The following HEPH variants were observed in gnomAD, a reference collection of about 807,000 sequenced individuals.
HEPH encodes hephaestin.
Under a neutral mutation model 80.8 loss-of-function variants are expected in HEPH, and 69 were observed. That is an observed-to-expected ratio of 0.85 (90% CI 0.70 to 1.04). The LOEUF (loss-of-function observed/expected upper bound fraction) is 1.04, where lower values mean the gene tolerates loss of function less well. Ranked by LOEUF, HEPH falls within the 50% of genes least tolerant of loss-of-function variation. The pLI is 0.00. For missense variants in HEPH, 1,115 were observed against 891.3 expected, an observed-to-expected ratio of 1.25 and a Z score of -3.20; for synonymous variants, 431 against 322.8, an observed-to-expected ratio of 1.34 and a Z score of -3.60.
At chrX:66,212,912 T>G (rs1220894102) in intron 15 of HEPH, among the ~76,000 whole-genome samples, 3 of 111,116 alleles carry the variant, frequency 2.7e-5, no homozygotes, top group East Asian at 2.8e-4. Flanking sequence ...GCAGATTGCT[T>G]TGGACAATAT....
chrX:66,199,048 C>T lies in HEPH; in HGVS notation c.1864+20C>T. ...TGCATGGTATGGGGAGTACTTTTGC[C>T]CTGGGCTAAATTGAGGGTCCCAAGT... is the stretch of plus-strand genomic sequence containing the variant. On this transcript the variant is annotated intron_variant, in intron 11 of 20. Coordinates refer to ENST00000343002, the MANE Select transcript of HEPH (RefSeq NM_001367233.3). 2 of 1,196,378 alleles carry T rather than the reference C, an allele frequency of 1.7e-6. No individual in the cohort carries two copies. The highest frequency in any genetic ancestry group is 6.0e-5 in the East Asian group (2 of 33,582).
intron 7 of HEPH, 134 bp downstream of exon 7, chrX:66,192,432 C>T (rs2087849857): frequency 4.4e-6 from 3 of 686,721 alleles, no homozygotes; most frequent in Non-Finnish European, 6.4e-6. Context: ...CATGAACCAA[C>T]TGTTAGCCAA....
At position 66,172,435 on chromosome X, in the gene HEPH, A is replaced by T. The variant is rs2147513486; in HGVS notation, c.248A>T (p.Asp83Val). The change falls in exon 3 of 21, where the codon GAT (aspartate) becomes GTT (valine). Residue 83 changes from aspartate to valine, a missense_variant. By Grantham distance (152) the Asp-to-Val change is radical. Coordinates refer to ENST00000343002, the MANE Select transcript of HEPH (RefSeq NM_001367233.3). ...AAGACCATCTATAAAGAATACAAGG[A>T]TGACTCATACACAGATGAAGTGGCC... ...YKKTIYKEYK[D>V]DSYTDEVAQP... 8.3e-7 allele frequency: 1 copy of T among 1,209,951 alleles called. No homozygotes were observed. The highest frequency in any genetic ancestry group is 1.8e-5 in the South Asian group (1 of 56,612).
intron 15 of HEPH, among the ~76,000 whole-genome samples, chrX:66,243,229 C>G (rs1365541304): frequency 1.8e-5 from 2 of 111,674 alleles, no homozygotes; most frequent in Non-Finnish European, 3.8e-5. Context: ...AATGCAGAAA[C>G]AGAAAACCAA....
intron 4 of HEPH, 36 bp from the exon 5 acceptor site, chrX:66,188,323 G>T (rs1187693374): frequency 1.8e-6 from 2 of 1,087,024 alleles, no homozygotes; most frequent in African/African-American, 1.8e-5. Flanking sequence ...GCTAAGGAAA[G>T]GATCTTCTCA....
chrX:66,199,370 C>T (rs887212717), intron 11 of HEPH, among the ~76,000 whole-genome samples: 1 of 108,530 alleles, frequency 9.2e-6, no homozygotes, highest in Non-Finnish European at 1.9e-5. Context: ...TCCCCCCCCC[C>T]CATACTCCAG....
At chrX:66,257,849 G>T (rs189328955) in intron 17 of HEPH, among the ~76,000 whole-genome samples, 1 of 111,684 alleles carries the variant, frequency 9.0e-6, no homozygotes, top group Non-Finnish European at 1.9e-5. Flanking sequence ...CTCTCTGTAA[G>T]AACATAAGAA....
chrX:66,231,064 T>C lies in HEPH; in HGVS notation c.2563+22818T>C, dbSNP rs1156776657. Among the ~76,000 whole-genome samples, 10 of 109,052 alleles carry C rather than the reference T, an allele frequency of 9.2e-5. No individual in the cohort carries two copies. The East Asian group carries it at 2.9e-3, about 32-fold the overall frequency. The allele number at this position is 109,052 out of a possible 115,157, so 94.7% of individuals were successfully genotyped here. The stretch of plus-strand genomic sequence containing the variant: ...TTCCCCATTGCTTGTTTTTCTCAGG[T>C]TTGTCAAAGATCAGATAGTTGTAGG... On this transcript the variant is annotated intron_variant, in intron 15 of 20. Coordinates refer to ENST00000343002, the MANE Select transcript of HEPH (RefSeq NM_001367233.3).
intron 15 of HEPH, among the ~76,000 whole-genome samples, chrX:66,233,808 A>G (rs1398738739): frequency 9.0e-6 from 1 of 111,099 alleles, no homozygotes; most frequent in Non-Finnish European, 1.9e-5. Flanking sequence ...TACTGAACCA[A>G]AGTCTTGATT....
intron 15 of HEPH, among the ~76,000 whole-genome samples, chrX:66,251,374 C>G (rs972508181): frequency 4.5e-5 from 5 of 112,140 alleles, no homozygotes; most frequent in Non-Finnish European, 9.4e-5. Context: ...GGTGTTATCA[C>G]TGATTTTTAA....
At chrX:66,217,555 C>T (rs763263915) in intron 15 of HEPH, among the ~76,000 whole-genome samples, 41 of 111,543 alleles carry the variant, frequency 3.7e-4, no homozygotes, top group Non-Finnish European at 6.0e-4. Context: ...TGAAACCAAT[C>T]CTCAAACTAC....
intron 19 of HEPH, among the ~76,000 whole-genome samples, chrX:66,260,695 A>T (rs957097876): frequency 8.0e-5 from 9 of 112,647 alleles, no homozygotes; most frequent in Non-Finnish European, 9.4e-5. Flanking sequence ...AAAAGAGAAT[A>T]AAAATAATTC....
chrX:66,235,592 T>C (rs902874052), intron 15 of HEPH, among the ~76,000 whole-genome samples: 1 of 111,996 alleles, frequency 8.9e-6, no homozygotes, highest in Non-Finnish European at 1.9e-5. Context: ...TACCATGCTG[T>C]TTTGGTTACT....
rs771258213 is a variant in HEPH, at chrX:66,219,555, C to G, written c.2563+11309C>G. Among the ~76,000 whole-genome samples, 38 of 111,890 alleles carry G rather than the reference C, an allele frequency of 3.4e-4. 1 individual carries two copies. Among genetic ancestry groups the G allele is most frequent in the Non-Finnish European group, 4.3e-4 (23 of 53,191 alleles). ...TGATTATTTCTAAGACAGCTTGTAACCATATGATTCAGTTGAGCATGTAAA... is the reference window on the plus strand; with the variant it reads ...TGATTATTTCTAAGACAGCTTGTAAGCATATGATTCAGTTGAGCATGTAAA... On this transcript the variant is annotated intron_variant, in intron 15 of 20. Transcript: ENST00000343002.
intron 15 of HEPH, among the ~76,000 whole-genome samples, chrX:66,238,947 A>T (rs1186879053): frequency 8.9e-6 from 1 of 112,765 alleles, no homozygotes; most frequent in Non-Finnish European, 1.9e-5. Flanking sequence ...CTTTAGGCAC[A>T]GATCGCTCAT....
intron 17 of HEPH, among the ~76,000 whole-genome samples, chrX:66,258,395 G>A (rs999392328): frequency 1.8e-5 from 2 of 111,618 alleles, no homozygotes; most frequent in Non-Finnish European, 3.8e-5. Context: ...AGGATTTCTA[G>A]TAGGGAATCT....
chrX:66,188,223 G>A (rs1036173140), intron 4 of HEPH, 136 bp from the exon 5 acceptor site: 10 of 472,911 alleles, frequency 2.1e-5, no homozygotes, highest in East Asian at 3.8e-5. Flanking sequence ...TAATCTAAGA[G>A]GGTTATTTCT....
chrX:66,266,484 G>A lies in HEPH; in HGVS notation c.3289G>A (p.Gly1097Ser), dbSNP rs1351214121. Reference sequence around the variant, plus strand: ...TGAAGAAGGCAATGTGAAGATGCTGGGCATGCAGATCCCCATAAAGAATGT... The same window carrying A: ...TGAAGAAGGCAATGTGAAGATGCTGAGCATGCAGATCCCCATAAAGAATGT... ...DIEEGNVKML[G>S]MQIPIKNVEM... is the part of the protein sequence containing the mutation. Residue 1097 changes from glycine to serine, a missense_variant, in exon 21 of 21, where the codon GGC becomes AGC. Gly to Ser is a moderately conservative substitution (Grantham distance 56). Around this residue, in one of 3 missense-constraint regions of HEPH, gnomAD observed 716 missense variants for 523.5 expected, o/e 1.37. Transcript: ENST00000343002. The A allele has an allele frequency of 8.3e-7, 1 of 1,209,599 alleles. No homozygotes were observed. The highest frequency in any genetic ancestry group is 2.2e-5 in the Admixed American group (1 of 45,800).
intron 15 of HEPH, among the ~76,000 whole-genome samples, chrX:66,237,096 T>C (rs2090393016): frequency 2.7e-5 from 3 of 111,647 alleles, no homozygotes; most frequent in African/African-American, 9.8e-5. Flanking sequence ...TTGAATTTTT[T>C]TTTGTGTGTG....
Sources: gnomAD v4.1 joint callset for allele counts (sites outside exome capture counted in the v4.1 genomes callset) on GRCh38, gnomAD v4.1.1 for gene constraint, gnomAD v4.1.1 regional missense constraint, MANE v1.5 for transcripts, NCBI Gene and HGNC (gene_info 2026-07-23, HGNC 2026-07-21) for gene names.